Variants in MACROD2 observed in about 807,000 individuals in gnomAD.
MACROD2 encodes the protein ADP-ribose glycohydrolase MACROD2.
A neutral mutation model predicts 70.4 loss-of-function variants in MACROD2; 36 were observed. The observed-to-expected ratio is 0.51, with a 90% CI of 0.39 to 0.68. The LOEUF is 0.68. Ranked by LOEUF, MACROD2 falls within the 30% of genes least tolerant of loss-of-function variation. MACROD2 has a pLI of 0.00. For synonymous variants in MACROD2, 172 were observed against 178.8 expected (o/e 0.96, Z 0.30); for missense variants, 496 against 538.4 (o/e 0.92, Z 0.78).
At chr20:15,917,458 C>T (rs1332136084) in intron 10 of MACROD2, among the ~76,000 whole-genome samples, 2 of 152,196 alleles carry the variant, frequency 1.3e-5, no homozygotes, top group African/African-American at 4.8e-5. Flanking sequence ...AATGTGAGGA[C>T]TGCCAGTAAG....
At chr20:15,101,829 G>T (rs1463502202) in intron 5 of MACROD2, among the ~76,000 whole-genome samples, 1 of 151,838 alleles carries the variant, frequency 6.6e-6, no homozygotes, top group Non-Finnish European at 1.5e-5. Flanking sequence ...TTAAAGTATT[G>T]ATTATTTAAT....
intron 3 of MACROD2, among the ~76,000 whole-genome samples, chr20:14,262,577 G>T (rs2082109660): frequency 1.3e-5 from 2 of 152,194 alleles, no homozygotes; most frequent in African/African-American, 4.8e-5. Context: ...GAAAGTGAAT[G>T]TAATTACTTG....
chr20:15,192,600 G>A (rs1024689206), intron 5 of MACROD2, among the ~76,000 whole-genome samples: 1 of 152,102 alleles, frequency 6.6e-6, no homozygotes, highest in African/African-American at 2.4e-5. Context: ...AATACTCAGG[G>A]ATCCCATTAT....
intron 8 of MACROD2, among the ~76,000 whole-genome samples, chr20:15,828,140 C>T (rs1275217459): frequency 1.3e-5 from 2 of 152,034 alleles, no homozygotes; most frequent in Non-Finnish European, 2.9e-5. Context: ...ATTCTTATCA[C>T]AAAAATGATA....
At chr20:14,371,868 G>A (rs1366918665) in intron 3 of MACROD2, among the ~76,000 whole-genome samples, 1 of 151,232 alleles carries the variant, frequency 6.6e-6, no homozygotes, top group African/African-American at 2.4e-5. Flanking sequence ...CCATTCTTCA[G>A]ATTTTAGCTC....
intron 5 of MACROD2, among the ~76,000 whole-genome samples, chr20:14,903,108 C>T (rs1161686884): frequency 1.6e-5 from 2 of 125,592 alleles, no homozygotes; most frequent in Non-Finnish European, 3.2e-5. Flanking sequence ...ATGGTGTGAT[C>T]TCGGCTCACT....
At chr20:14,760,309 A>G (rs2071998443) in intron 5 of MACROD2, among the ~76,000 whole-genome samples, 1 of 152,080 alleles carries the variant, frequency 6.6e-6, no homozygotes, top group Non-Finnish European at 1.5e-5. Flanking sequence ...GGAAGTGCTT[A>G]TACTTATAAA....
chr20:15,692,586 C>T (rs952159663), intron 8 of MACROD2, among the ~76,000 whole-genome samples: 2 of 152,122 alleles, frequency 1.3e-5, no homozygotes, highest in African/African-American at 4.8e-5. Context: ...CCTTTATCTT[C>T]AGAGCCCTGG....
chr20:14,619,444 A>AGG (rs1341765279), intron 4 of MACROD2, among the ~76,000 whole-genome samples: 1 of 4,332 alleles, frequency 2.3e-4, no homozygotes, highest in African/African-American at 6.2e-4. Flanking sequence ...GGAGGGAGGG[A>AGG]GGAAGGGAAG....
intron 7 of MACROD2, among the ~76,000 whole-genome samples, chr20:15,463,719 A>T (rs1470130129): frequency 6.6e-6 from 1 of 152,214 alleles, no homozygotes; most frequent in Admixed American, 6.5e-5. Context: ...ACTGCACTCC[A>T]GCCTGGGCAA....
intron 3 of MACROD2, among the ~76,000 whole-genome samples, chr20:14,180,939 TA>T (rs776476558): frequency 9.6e-5 from 14 of 145,214 alleles, no homozygotes; most frequent in Admixed American, 2.1e-4. Context: ...GTGTTAATCA[TA>T]CTTTGACTTG....
chr20:14,527,187 G>A (rs1357376387), intron 4 of MACROD2, among the ~76,000 whole-genome samples: 1 of 152,114 alleles, frequency 6.6e-6, no homozygotes, highest in Non-Finnish European at 1.5e-5. Flanking sequence ...TGTTCTTCTC[G>A]ACGTCCAGCC....
intron 5 of MACROD2, among the ~76,000 whole-genome samples, chr20:14,822,312 T>A (rs1191226202): frequency 6.6e-6 from 1 of 152,166 alleles, no homozygotes; most frequent in African/African-American, 2.4e-5. Flanking sequence ...ATAAGATGGA[T>A]AACTTTCCAC....
chr20:15,619,637 C>T, intron 8 of MACROD2: 1 of 414,362 alleles, frequency 2.4e-6, no homozygotes, highest in Admixed American at 3.7e-5. Flanking sequence ...ATGTTGTAGT[C>T]TCCTGAGGCA....
chr20:14,459,033 A>G (rs2084336190), intron 3 of MACROD2, among the ~76,000 whole-genome samples: 2 of 151,984 alleles, frequency 1.3e-5, no homozygotes, highest in African/African-American at 4.8e-5. Flanking sequence ...TATACCTTTA[A>G]TCCCTCCCCA....
intron 7 of MACROD2, among the ~76,000 whole-genome samples, chr20:15,459,457 C>T (rs939422163): frequency 1.3e-5 from 2 of 152,070 alleles, no homozygotes; most frequent in African/African-American, 4.8e-5. Flanking sequence ...CAGCCTTTTT[C>T]CCCCCACTAT....
intron 3 of MACROD2, among the ~76,000 whole-genome samples, chr20:14,448,508 C>T (rs2084208870): frequency 6.6e-6 from 1 of 151,870 alleles, no homozygotes; most frequent in South Asian, 2.1e-4. Context: ...GAAACCCCAT[C>T]TCTACCAAAA....
chr20:14,382,459 G>C (rs1488534294), intron 3 of MACROD2, among the ~76,000 whole-genome samples: 2 of 151,788 alleles, frequency 1.3e-5, no homozygotes, highest in East Asian at 4.0e-4. Flanking sequence ...ACCTGAGGTC[G>C]GGAGTTTGAG....
chr20:14,358,234 G>A (rs543810291), intron 3 of MACROD2, among the ~76,000 whole-genome samples: 1 of 152,250 alleles, frequency 6.6e-6, no homozygotes, highest in South Asian at 2.1e-4. Context: ...AGTAAATAGT[G>A]GATTGAATGT....
Sources: allele counts gnomAD v4.1 joint callset (sites outside exome capture counted in the v4.1 genomes callset), GRCh38; gene constraint gnomAD v4.1.1; transcripts MANE v1.5; gene names NCBI Gene and HGNC (gene_info 2026-07-23, HGNC 2026-07-21).